CHD3: variants seen among roughly 807,000 people sequenced by gnomAD.
CHD3 encodes chromodomain helicase DNA binding protein 3.
A neutral mutation model predicts 248.9 loss-of-function variants in CHD3; 52 were observed. The ratio of observed to expected loss-of-function variants is 0.21; its 90% CI spans 0.17 to 0.26. The LOEUF is 0.26. Among genes scored for constraint, CHD3 ranks in the 10% least tolerant of loss-of-function variants. CHD3 has a pLI of 1.00. For missense variants in CHD3, 1,482 were observed against 2,605.8 expected (o/e 0.57, Z 9.39); for synonymous variants, 985 against 985.2 (o/e 1.00, Z 0.00).
intron 6 of CHD3, 50 bp from the exon 7 acceptor site, chr17:7,894,065 A>G (rs777263214): frequency 3.5e-6 from 5 of 1,447,718 alleles, no homozygotes; most frequent in Admixed American, 2.1e-5. Context: ...AGGCCTGGGG[A>G]GGGCGTAGAA....
Position 7,907,567 on chromosome 17 carries a change from A to C in CHD3, c.4925-34A>C, listed in dbSNP as rs1425306196. 2.0e-6 allele frequency: 3 copies of C among 1,520,230 alleles called. No individual in the cohort carries two copies. The highest frequency in any genetic ancestry group is 1.8e-6 in the Non-Finnish European group (2 of 1,135,412). The allele number at this position is 1,520,230 out of a possible 1,614,324, so 94.2% of individuals were successfully genotyped here. A position where few individuals can be genotyped will look rare whatever the true frequency, so the allele number is the denominator to read the frequency against. On this transcript the variant is annotated intron_variant, in intron 32 of 39. Coordinates refer to ENST00000330494, the MANE Select transcript of CHD3 (RefSeq NM_001005273.3). The surrounding 1 kb of genome is among the most constrained non-coding windows in gnomAD (Gnocchi z 4.3). ...TCTGGGGTCAGGGGATGAGGGTAACATCCTCCCTTCCTATCCCCTACCCCC... is the reference window on the plus strand; with the variant it reads ...TCTGGGGTCAGGGGATGAGGGTAACCTCCTCCCTTCCTATCCCCTACCCCC...
In CHD3 at chr17:7,895,292, C is replaced by A. The variant is rs200501981; in HGVS notation, c.1504-47C>A. 1.1e-5 allele frequency: 18 copies of A among 1,604,608 alleles called. No homozygotes were observed. The East Asian group carries it at 1.6e-4, about 14-fold the overall frequency. On this transcript the variant is annotated intron_variant, in intron 9 of 39. Transcript: ENST00000330494. This position sits in a 1 kb window ranked among gnomAD's most constrained non-coding sequence, Gnocchi z 4.9. ...CTATCTTCTCATCTAACAATGGGTT[C>A]TTTCTGCCTCTTTCTTTCCTCCTCC...
At position 7,897,952 on chromosome 17, in the gene CHD3, A is replaced by G. The variant is rs759745774; in HGVS notation, c.1920-19A>G. On this transcript the variant is annotated intron_variant, in intron 11 of 39. Coordinates refer to ENST00000330494, the MANE Select transcript of CHD3 (RefSeq NM_001005273.3). The surrounding 1 kb of genome is among the most constrained non-coding windows in gnomAD (Gnocchi z 4.8). ...CAATATTTTCCTCCTGCTCCTCCCC[A>G]TGGCCTCCTGCCCCACAGTGTGGAT... is the stretch of plus-strand genomic sequence containing the variant. 2.5e-6 allele frequency: 4 copies of G among 1,608,406 alleles called. No homozygotes were observed. Among genetic ancestry groups the G allele is most frequent in the African/African-American group, 1.3e-5 (1 of 74,660 alleles).
chr17:7,893,992 G>T, intron 6 of CHD3, 57 bp downstream of exon 6: 2 of 1,569,976 alleles, frequency 1.3e-6, no homozygotes, highest in South Asian at 1.1e-5. Context: ...CAGAGACAGG[G>T]ATCCGTGAGG....
At position 7,911,814 on chromosome 17, in the gene CHD3, A is replaced by T. The variant is rs1403191656; in HGVS notation, c.*229A>T. On this transcript the variant is annotated 3_prime_UTR_variant, in exon 40 of 40. Coordinates refer to ENST00000330494, the MANE Select transcript of CHD3 (RefSeq NM_001005273.3). This position sits in a 1 kb window ranked among gnomAD's most constrained non-coding sequence, Gnocchi z 5.4. ...CCTTGAAGACTGTGCTGGTGAGAAG[A>T]AGTCTGGGTGGGAGATGGCTGGCAG... The T allele has an allele frequency of 1.1e-5, 15 of 1,356,090 alleles. No homozygotes were observed. The South Asian group carries it at 1.4e-4, about 13-fold the overall frequency. The allele number at this position is 1,356,090 out of a possible 1,614,324, so 84.0% of individuals were successfully genotyped here.
In CHD3 at chr17:7,895,563, C is replaced by G; in HGVS notation, c.1707+21C>G. 1 of 1,602,972 alleles carries G rather than the reference C, an allele frequency of 6.2e-7. No individual in the cohort carries two copies. On this transcript the variant is annotated intron_variant, in intron 10 of 39. Transcript: ENST00000330494. This position sits in a 1 kb window ranked among gnomAD's most constrained non-coding sequence, Gnocchi z 4.9. ...TTCAGGTACTAGGACCTTTTCTTTCCCTCTCCCCCATGACCTCATTTCCTG... is the reference window on the plus strand; with the variant it reads ...TTCAGGTACTAGGACCTTTTCTTTCGCTCTCCCCCATGACCTCATTTCCTG...
In CHD3 at chr17:7,905,752, G is replaced by C; in HGVS notation, c.4224+46G>C. On this transcript the variant is annotated intron_variant, in intron 27 of 39. Transcript: ENST00000330494. The surrounding 1 kb of genome is among the most constrained non-coding windows in gnomAD (Gnocchi z 5.8). ...TCCTGAGTTCTCCAAGAGGGCATGAGGGCAGGAGGTTGGAAGTTGGTGCCT... is the reference window on the plus strand; with the variant it reads ...TCCTGAGTTCTCCAAGAGGGCATGACGGCAGGAGGTTGGAAGTTGGTGCCT... 1 of 1,612,910 alleles carries C rather than the reference G, an allele frequency of 6.2e-7. No individual in the cohort carries two copies.
chr17:7,891,055 A>G lies in CHD3; in HGVS notation c.500A>G (p.Gln167Arg). The G allele has an allele frequency of 6.2e-7, 1 of 1,614,052 alleles. No individual in the cohort carries two copies. The highest frequency in any genetic ancestry group is 1.3e-5 in the African/African-American group (1 of 75,052). ...CTCACCAACTACAAAGCCTTCAGCC[A>G]GTTCATGAGGTGCGGTAAGACTGGG... Reference protein sequence around the residue: ...HTLTNYKAFSQFMRPLIAKKN... With the variant: ...HTLTNYKAFSRFMRPLIAKKN... The change falls in exon 4 of 40, where the codon CAG (glutamine) becomes CGG (arginine). Residue 167 changes from glutamine (Q) to arginine (R), a missense_variant. Gln to Arg is a conservative substitution (Grantham distance 43). Transcript: ENST00000330494.
At chr17:7,887,128 A>G (rs1214987690), upstream of CHD3, among the ~76,000 whole-genome samples, 2 of 151,954 alleles carry the variant, frequency 1.3e-5, no homozygotes, top group Non-Finnish European at 2.9e-5. Context: ...ATTTCTGTCT[A>G]CCTAAGTGTG....
rs79930761 is a variant in CHD3 at position 7,912,394 on chromosome 17, C to T, written c.*809C>T. 8,133 of 152,330 alleles carry T rather than the reference C, an allele frequency of 0.053. 302 individuals carry two copies. Among genetic ancestry groups the T allele is most frequent in the Non-Finnish European group, 0.084 (5,725 of 68,130 alleles). 9.4% of individuals were successfully genotyped at this position (152,330 alleles called of 1,614,324 possible). A position where few individuals can be genotyped will look rare whatever the true frequency, so the allele number is the denominator to read the frequency against. On this transcript the variant is annotated 3_prime_UTR_variant, in exon 40 of 40. Coordinates refer to ENST00000330494, the MANE Select transcript of CHD3 (RefSeq NM_001005273.3). ...ACAATGGGCCAGATGTGGTGGAAGC[C>T]CAGCTCTGGGGCTCAGGTTCCTGGA...
Position 7,900,107 on chromosome 17 carries a change from A to G in CHD3, c.2682+74A>G, listed in dbSNP as rs960625906. 15 of 1,539,524 alleles carry G rather than the reference A, an allele frequency of 9.7e-6. No individual in the cohort carries two copies. Among genetic ancestry groups the G allele is most frequent in the South Asian group, 2.5e-5 (2 of 80,786 alleles). ...CTTGCCTTGGTCCTAAAAAACAACAAAAATTCTGGGGATTTTCTGTAGTCT... is the reference window on the plus strand; with the variant it reads ...CTTGCCTTGGTCCTAAAAAACAACAGAAATTCTGGGGATTTTCTGTAGTCT... On this transcript the variant is annotated intron_variant, in intron 16 of 39. Transcript: ENST00000330494. The surrounding 1 kb of genome is among the most constrained non-coding windows in gnomAD (Gnocchi z 6.5).
chr17:7,911,774 A>C lies in CHD3; in HGVS notation c.*189A>C. 6.7e-7 allele frequency: 1 copy of C among 1,491,040 alleles called. No homozygotes were observed. The highest frequency in any genetic ancestry group is 9.0e-7 in the Non-Finnish European group (1 of 1,109,088). The allele number at this position is 1,491,040 out of a possible 1,614,324, so 92.4% of individuals were successfully genotyped here. The stretch of plus-strand genomic sequence containing the variant: ...CCTTTGTCTTTCTCCACTCCCACAC[A>C]CCTTTCCCACCAAGCCTTGAAGACT... On this transcript the variant is annotated 3_prime_UTR_variant, in exon 40 of 40. Transcript: ENST00000330494. The surrounding 1 kb of genome is among the most constrained non-coding windows in gnomAD (Gnocchi z 5.4).
At chr17:7,885,058 C>CCCG (rs1226429921), upstream of CHD3, 12 of 957,024 alleles carry the variant, frequency 1.3e-5, no homozygotes, top group Non-Finnish European at 1.2e-5. Context: ...CACCGCTGCC[C>CCCG]CCGCCGCCGC....
Position 7,906,148 on chromosome 17 carries a change from C to T in CHD3, c.4358+159C>T. The T allele has an allele frequency of 8.9e-7, 1 of 1,129,154 alleles. No homozygotes were observed. Among genetic ancestry groups the T allele is most frequent in the Non-Finnish European group, 1.3e-6 (1 of 751,548 alleles). 69.9% of individuals were successfully genotyped at this position (1,129,154 alleles called of 1,614,324 possible). A position where few individuals can be genotyped will look rare whatever the true frequency, so the allele number is the denominator to read the frequency against. On this transcript the variant is annotated intron_variant, in intron 28 of 39. Coordinates refer to ENST00000330494, the MANE Select transcript of CHD3 (RefSeq NM_001005273.3). This position sits in a 1 kb window ranked among gnomAD's most constrained non-coding sequence, Gnocchi z 5.0. Reference sequence around the variant, plus strand: ...GGCTCGATTTCCTGGGGGGTGGTCTCAGCCCACTCCACCTCCCCTCAGCCG... The same window carrying T: ...GGCTCGATTTCCTGGGGGGTGGTCTTAGCCCACTCCACCTCCCCTCAGCCG...
intron 13 of CHD3, 152 bp from the exon 14 acceptor site, chr17:7,898,859 G>C: frequency 9.6e-6 from 7 of 728,090 alleles, no homozygotes; most frequent in Non-Finnish European, 1.6e-5. Context: ...TGAGGGGGAG[G>C]GGCTGAAGAC....
At position 7,905,339 on chromosome 17, in the gene CHD3, T is replaced by G; in HGVS notation, c.4138+174T>G. On this transcript the variant is annotated intron_variant, in intron 26 of 39. Transcript: ENST00000330494. This position sits in a 1 kb window ranked among gnomAD's most constrained non-coding sequence, Gnocchi z 5.8. ...TAGTCTCTCTGCTAGTAAACTTCGG[T>G]GTGTGTGACCACATAGGCTAGATCC... The G allele has an allele frequency of 1.5e-6, 1 of 671,546 alleles. No homozygotes were observed. The allele number at this position is 671,546 out of a possible 1,614,324, so 41.6% of individuals were successfully genotyped here.
At position 7,895,283 on chromosome 17, in the gene CHD3, CA is replaced by C; in HGVS notation, c.1504-54del. On this transcript the variant is annotated intron_variant, in intron 9 of 39. Transcript: ENST00000330494. This position sits in a 1 kb window ranked among gnomAD's most constrained non-coding sequence, Gnocchi z 4.9. Reference sequence around the variant, plus strand: ...GTGGGACCCCTATCTTCTCATCTAACAATGGGTTCTTTCTGCCTCTTTCTTT... The same window carrying C: ...GTGGGACCCCTATCTTCTCATCTAACATGGGTTCTTTCTGCCTCTTTCTTT... 1 of 1,600,050 alleles carries C rather than the reference CA, an allele frequency of 6.2e-7. No individual in the cohort carries two copies. Among genetic ancestry groups the C allele is most frequent in the African/African-American group, 1.3e-5 (1 of 74,786 alleles).
At position 7,910,079 on chromosome 17, in the gene CHD3, C is replaced by T. The variant is rs1184339516; in HGVS notation, c.5591-349C>T. On this transcript the variant is annotated intron_variant, in intron 37 of 39. Transcript: ENST00000330494. The surrounding 1 kb of genome is among the most constrained non-coding windows in gnomAD (Gnocchi z 4.7). ...ATCATCCCCAACCCCAAACCTTGCT[C>T]TTCCAGTATGAGATGTTCTGACAAC... The T allele has an allele frequency of 1.1e-5, 4 of 359,264 alleles. No individual in the cohort carries two copies. Among genetic ancestry groups the T allele is most frequent in the Admixed American group, 4.7e-5 (1 of 21,418 alleles). 22.3% of individuals were successfully genotyped at this position (359,264 alleles called of 1,614,324 possible). A position where few individuals can be genotyped will look rare whatever the true frequency, so the allele number is the denominator to read the frequency against.
In CHD3 at chr17:7,893,603, C is replaced by T. The variant is rs1440762601; in HGVS notation, c.793+34C>T. The stretch of plus-strand genomic sequence containing the variant: ...CTCTCTTCCAACAACTGTCATCTCA[C>T]CTTCCAAACTGCATGTCTTCACATT... On this transcript the variant is annotated intron_variant, in intron 5 of 39. Transcript: ENST00000330494. 8 of 1,540,920 alleles carry T rather than the reference C, an allele frequency of 5.2e-6. No individual in the cohort carries two copies. In the South Asian group the frequency reaches 8.8e-5, roughly 17 times the overall value.
Sources: gnomAD v4.1 joint callset for allele counts (sites outside exome capture counted in the v4.1 genomes callset) on GRCh38, gnomAD v4.1.1 for gene constraint, Gnocchi (gnomAD v3.1) non-coding constraint, MANE v1.5 for transcripts, NCBI Gene and HGNC (gene_info 2026-07-23, HGNC 2026-07-21) for gene names.